Variants in UBR4 observed in about 807,000 individuals in gnomAD.
UBR4 encodes E3 ubiquitin-protein ligase UBR4.
In UBR4, 124 loss-of-function variants were observed where a neutral mutation model predicts 575.6. The observed-to-expected ratio is 0.22, with a 90% CI of 0.19 to 0.25. The LOEUF is 0.25. Ranked by LOEUF, UBR4 falls within the 10% of genes least tolerant of loss-of-function variation. UBR4 has a pLI of 1.00. For missense variants in UBR4, 4,818 were observed against 6,478.8 expected (o/e 0.74, Z 8.80); for synonymous variants, 2,455 against 2,473.7 (o/e 0.99, Z 0.22).
intron 83 of UBR4, among the ~76,000 whole-genome samples, chr1:19,106,235 CAT>C (rs1170277507): frequency 4.6e-5 from 7 of 152,150 alleles, no homozygotes; most frequent in African/African-American, 1.4e-4. Flanking sequence ...GATTACCTAA[CAT>C]AGAATTACTT....
chr1:19,184,315 ATCACTTACAGTGGGCCTAAGTT>A (rs1173429528), intron 15 of UBR4, 140 bp from the exon 16 acceptor site: 35 of 971,676 alleles, frequency 3.6e-5, no homozygotes, highest in African/African-American at 5.0e-5. Context: ...CAGATTTTAA[ATCACTTACAGTGGGCCTAAGTT>A]TCATTATGAG....
rs1041083554 is a variant in UBR4, at chr1:19,076,986, C to T, written c.15325-84G>A. 63 of 1,451,500 alleles carry T rather than the reference C, an allele frequency of 4.3e-5. No individual in the cohort carries two copies. In the Middle Eastern group the frequency reaches 5.7e-4, roughly 13 times the overall value. The allele number at this position is 1,451,500 out of a possible 1,614,324, so 89.9% of individuals were successfully genotyped here. On this transcript the variant is annotated intron_variant, in intron 104 of 105. Transcript: ENST00000375254. ...CCTCAAGTCAGTCAGGCCATTTCAA[C>T]CCCTCAAAGGACAGCCCTCCCAACC...
intron 75 of UBR4, 41 bp downstream of exon 75, chr1:19,114,770 T>G (rs2080301326): frequency 4.3e-6 from 7 of 1,610,650 alleles, no homozygotes; most frequent in Non-Finnish European, 5.9e-6. Context: ...AAAGTCCAGA[T>G]CAAGGCCACA....
intron 29 of UBR4, among the ~76,000 whole-genome samples, chr1:19,166,714 CAAAAAAAAAAAAAAAAAAAAAAAAAAA>C (rs535369262): frequency 4.7e-4 from 35 of 73,756 alleles, no homozygotes; most frequent in East Asian, 7.8e-4. Flanking sequence ...CCATCTCTAC[CAAAAAAAAAAAAAAAAAAAAAAAAAAA>C]AAAAAAAAAA....
In UBR4 at chr1:19,110,574, C is replaced by T; in HGVS notation, c.11893-110G>A. 1 of 1,355,304 alleles carries T rather than the reference C, an allele frequency of 7.4e-7. No individual in the cohort carries two copies. The highest frequency in any genetic ancestry group is 1.2e-5 in the South Asian group (1 of 80,190). The allele number at this position is 1,355,304 out of a possible 1,614,324, so 84.0% of individuals were successfully genotyped here. ...AGGTGGCTCCAACAGAGACAAAGGACAGACGGAGACCCTTGTGCTCCAGGC... is the reference window on the plus strand; with the variant it reads ...AGGTGGCTCCAACAGAGACAAAGGATAGACGGAGACCCTTGTGCTCCAGGC... On this transcript the variant is annotated intron_variant, in intron 79 of 105. Coordinates refer to ENST00000375254, the MANE Select transcript of UBR4 (RefSeq NM_020765.3). This position sits in a 1 kb window ranked among gnomAD's most constrained non-coding sequence, Gnocchi z 4.5.
intron 90 of UBR4, 143 bp downstream of exon 90, chr1:19,099,454 C>T (rs1280635078): frequency 3.0e-6 from 2 of 675,234 alleles, no homozygotes; most frequent in Admixed American, 6.3e-5. Flanking sequence ...GTTTTCTCCA[C>T]ACAACCCCAA....
chr1:19,128,033 A>C (rs563810127), intron 62 of UBR4, among the ~76,000 whole-genome samples, 178 bp downstream of exon 62: 14 of 152,262 alleles, frequency 9.2e-5, no homozygotes, highest in Admixed American at 3.9e-4. Flanking sequence ...TCAGGGTCCA[A>C]AACTATGCTC....
chr1:19,104,072 G>A lies in UBR4; in HGVS notation c.12901+12C>T. On this transcript the variant is annotated intron_variant, in intron 87 of 105. Coordinates refer to ENST00000375254, the MANE Select transcript of UBR4 (RefSeq NM_020765.3). ...ACAGTGCCTTAGGCTCCAGGCCACT[G>A]GGCAGTGCTACCTGTGGTCATGTCC... 1 of 1,613,830 alleles carries A rather than the reference G, an allele frequency of 6.2e-7. No individual in the cohort carries two copies. The highest frequency in any genetic ancestry group is 8.5e-7 in the Non-Finnish European group (1 of 1,179,874).
intron 103 of UBR4, chr1:19,080,959 A>G (rs367837295): frequency 2.3e-5 from 4 of 173,904 alleles, no homozygotes; most frequent in East Asian, 3.1e-4. Context: ...CGAGTTTTTA[A>G]TTATTAGAAA....
chr1:19,093,797 A>C lies in UBR4; in HGVS notation c.13937+152T>G. The C allele has an allele frequency of 6.6e-6, 6 of 904,038 alleles. No homozygotes were observed. The highest frequency in any genetic ancestry group is 9.8e-6 in the Non-Finnish European group (6 of 610,602). The allele number at this position is 904,038 out of a possible 1,614,324, so 56.0% of individuals were successfully genotyped here. ...TACTCTAATACAGTATATTTTAACT[A>C]TTCACTTCCCAACTAGACTGAGCTC... On this transcript the variant is annotated intron_variant, in intron 95 of 105. Transcript: ENST00000375254. This position sits in a 1 kb window ranked among gnomAD's most constrained non-coding sequence, Gnocchi z 4.8.
intron 8 of UBR4, among the ~76,000 whole-genome samples, chr1:19,196,133 T>C (rs572653652): frequency 1.1e-4 from 16 of 152,282 alleles, no homozygotes; most frequent in Middle Eastern, 3.4e-3. Flanking sequence ...TCAGAGCTCC[T>C]TCATGATTAC....
intron 26 of UBR4, among the ~76,000 whole-genome samples, 183 bp downstream of exon 26, chr1:19,170,579 G>A (rs565879812): frequency 2.0e-5 from 3 of 152,248 alleles, no homozygotes; most frequent in East Asian, 3.9e-4. Context: ...GTAAAAAGGG[G>A]ATCAAAGTAA....
intron 76 of UBR4, 58 bp from the exon 77 acceptor site, chr1:19,113,885 G>T: frequency 6.2e-7 from 1 of 1,614,168 alleles, no homozygotes; most frequent in Non-Finnish European, 8.5e-7. Flanking sequence ...TCACCTAGGA[G>T]GCAGTCTTCT....
chr1:19,104,310 C>G, intron 86 of UBR4, 53 bp from the exon 87 acceptor site: 1 of 1,588,822 alleles, frequency 6.3e-7, no homozygotes, highest in Non-Finnish European at 8.6e-7. Context: ...AACATAAGGA[C>G]AGTCTGTGTC....
intron 85 of UBR4, 176 bp downstream of exon 85, chr1:19,104,872 A>C: frequency 8.4e-7 from 1 of 1,184,998 alleles, no homozygotes; most frequent in Non-Finnish European, 1.2e-6. Flanking sequence ...AAATGCTCCC[A>C]AGAGTTTGCT....
chr1:19,082,029 C>T, intron 102 of UBR4: 1 of 558,814 alleles, frequency 1.8e-6, no homozygotes, highest in South Asian at 2.6e-5. Flanking sequence ...CTCCCCCTTG[C>T]TCCACATAGT....
chr1:19,161,157 G>A lies in UBR4; in HGVS notation c.5176-10C>T, dbSNP rs372737258. On this transcript the variant is annotated splice_polypyrimidine_tract_variant and intron_variant, in intron 37 of 105. Coordinates refer to ENST00000375254, the MANE Select transcript of UBR4 (RefSeq NM_020765.3). Reference sequence around the variant, plus strand: ...TTCTCTTCACCAGAGCCTAGGGACAGAAAATGTCAGAGTCCCTAAGTTCTT... The same window carrying A: ...TTCTCTTCACCAGAGCCTAGGGACAAAAAATGTCAGAGTCCCTAAGTTCTT... 34 of 1,612,240 alleles carry A rather than the reference G, an allele frequency of 2.1e-5. No individual in the cohort carries two copies. The African/African-American group carries it at 4.0e-4, about 19-fold the overall frequency.
intron 33 of UBR4, 34 bp downstream of exon 33, chr1:19,164,219 G>A (rs755132377): frequency 1.3e-6 from 2 of 1,592,440 alleles, no homozygotes; most frequent in African/African-American, 1.3e-5. Flanking sequence ...CAAGATCAAT[G>A]TTGTAACCTA....
chr1:19,171,793 T>C (rs943492463), intron 25 of UBR4, among the ~76,000 whole-genome samples: 14 of 152,222 alleles, frequency 9.2e-5, no homozygotes, highest in Non-Finnish European at 1.6e-4. Context: ...TACAGTGAGA[T>C]GAGATCGCAC....
Sources: gnomAD v4.1 joint callset for allele counts (sites outside exome capture counted in the v4.1 genomes callset) on GRCh38, gnomAD v4.1.1 for gene constraint, Gnocchi (gnomAD v3.1) non-coding constraint, MANE v1.5 for transcripts, NCBI Gene and HGNC (gene_info 2026-07-23, HGNC 2026-07-21) for gene names.